Variants in WAPL observed in about 807,000 individuals in gnomAD.
WAPL encodes wings apart-like protein homolog.
In WAPL, 5 loss-of-function variants were observed where a neutral mutation model predicts 121.0. The ratio of observed to expected loss-of-function variants is 0.04; its 90% CI spans 0.02 to 0.09. WAPL has a LOEUF of 0.09. WAPL is among the 10% of genes least tolerant of loss of function. WAPL has a pLI of 1.00. For missense variants in WAPL, 999 were observed against 1,410.8 expected (o/e 0.71, Z 4.68); for synonymous variants, 480 against 481.5 (o/e 1.00, Z 0.04).
chr10:86,492,471 G>C (rs1213666259), intron 4 of WAPL, among the ~76,000 whole-genome samples: 1 of 152,110 alleles, frequency 6.6e-6, no homozygotes. Context: ...CTTTTATTTT[G>C]TTGAGAGCTG....
intron 4 of WAPL, among the ~76,000 whole-genome samples, chr10:86,475,106 T>G (rs1841622597): frequency 6.6e-6 from 1 of 152,154 alleles, no homozygotes; most frequent in Non-Finnish European, 1.5e-5. Flanking sequence ...TACTTAAACT[T>G]CCAGGGGATT....
chr10:86,447,885 T>C (rs764223434), intron 15 of WAPL, among the ~76,000 whole-genome samples: 1 of 151,760 alleles, frequency 6.6e-6, no homozygotes, highest in African/African-American at 2.4e-5. Context: ...CCACCTCTAC[T>C]AAAAATACAA....
chr10:86,514,993 C>T (rs1339660621), intron 2 of WAPL, among the ~76,000 whole-genome samples: 1 of 152,206 alleles, frequency 6.6e-6, no homozygotes, highest in Non-Finnish European at 1.5e-5. Flanking sequence ...GGCACAGTGG[C>T]TCACGCCTAT....
At chr10:86,517,487 A>G (rs1405981631) in intron 2 of WAPL, 84 bp downstream of exon 2, 1 of 1,462,790 alleles carries the variant, frequency 6.8e-7, no homozygotes, top group East Asian at 2.5e-5. Context: ...AGAAAACACA[A>G]TATATATTTT....
intron 4 of WAPL, chr10:86,488,483 G>A (rs1345291636): frequency 6.6e-6 from 1 of 152,216 alleles, no homozygotes; most frequent in Non-Finnish European, 1.5e-5. Flanking sequence ...AAACTGGAAC[G>A]ATACCAAGAT....
chr10:86,491,133 GTTCT>G lies in WAPL; in HGVS notation c.1644+6064_1644+6067del, dbSNP rs1263581710. ...AAACTATCAATAACATAAACTCATG[GTTCT>G]TTTTTTTTTTTTTTTTTTTTAAGAC... On this transcript the variant is annotated intron_variant, in intron 4 of 18. Coordinates refer to ENST00000298767, the MANE Select transcript of WAPL (RefSeq NM_015045.5). Among the ~76,000 whole-genome samples the G allele has an allele frequency of 1.4e-3, 180 of 126,778 alleles. 2 individuals are homozygous for G. Among genetic ancestry groups the G allele is most frequent in the Admixed American group, 4.2e-3 (45 of 10,700 alleles). The allele number at this position is 126,778 out of a possible 152,430, so 83.2% of individuals were successfully genotyped here. A position where few individuals can be genotyped will look rare whatever the true frequency, so the allele number is the denominator to read the frequency against.
intron 16 of WAPL, 199 bp from the exon 17 acceptor site, chr10:86,443,562 C>G (rs1849527058): frequency 2.1e-6 from 1 of 484,318 alleles, no homozygotes; most frequent in Non-Finnish European, 3.7e-6. Context: ...AACCATAAAA[C>G]TTTTAGTTAA....
intron 14 of WAPL, among the ~76,000 whole-genome samples, chr10:86,452,884 AC>A (rs1414171141): frequency 6.6e-6 from 1 of 151,836 alleles, no homozygotes; most frequent in East Asian, 1.9e-4. Context: ...TACTAAAAAT[AC>A]AAAAATTAGC....
intron 9 of WAPL, among the ~76,000 whole-genome samples, chr10:86,465,201 G>T (rs1235775338): frequency 1.3e-5 from 2 of 151,834 alleles, no homozygotes; most frequent in South Asian, 2.1e-4. Flanking sequence ...TGTTTGTTTG[G>T]TTTTTTTTGG....
intron 2 of WAPL, among the ~76,000 whole-genome samples, chr10:86,507,047 T>C (rs899013459): frequency 2.4e-4 from 32 of 134,350 alleles, no homozygotes; most frequent in South Asian, 1.2e-3. Context: ...ACAACAAAAA[T>C]AAGTAAGGAA....
In WAPL at chr10:86,446,943, T is replaced by C. The variant is rs576061419; in HGVS notation, c.3115-494A>G. ...TTGTTGAGTATACAGAAGAGTGGTATACAAACTTCAAAGAGAGATTATATA... is the reference window on the plus strand; with the variant it reads ...TTGTTGAGTATACAGAAGAGTGGTACACAAACTTCAAAGAGAGATTATATA... On this transcript the variant is annotated intron_variant, in intron 15 of 18. Coordinates refer to ENST00000298767, the MANE Select transcript of WAPL (RefSeq NM_015045.5). 3.3e-5 allele frequency among the ~76,000 whole-genome samples: 5 copies of C among 152,320 alleles called. 1 individual carries two copies. Among genetic ancestry groups the C allele is most frequent in the African/African-American group, 9.6e-5 (4 of 41,564 alleles).
At chr10:86,450,295 C>G (rs1267384665) in intron 15 of WAPL, among the ~76,000 whole-genome samples, 1 of 152,168 alleles carries the variant, frequency 6.6e-6, no homozygotes, top group Non-Finnish European at 1.5e-5. Context: ...GAGCACAGTA[C>G]TGTAATCACG....
chr10:86,469,313 C>G (rs777289079), intron 8 of WAPL, among the ~76,000 whole-genome samples: 74 of 3,166 alleles, frequency 0.023, no homozygotes, highest in Non-Finnish European at 0.036. Flanking sequence ...AGTACAATGG[C>G]ACCATCTCAG....
At chr10:86,475,673 T>C (rs1402406411) in intron 4 of WAPL, among the ~76,000 whole-genome samples, 1 of 152,200 alleles carries the variant, frequency 6.6e-6, no homozygotes, top group Non-Finnish European at 1.5e-5. Flanking sequence ...ACACAACACA[T>C]AAAGTGGACT....
At position 86,473,888 on chromosome 10, in the gene WAPL, T is replaced by C. The variant is rs1450166844; in HGVS notation, c.1730A>G (p.Gln577Arg). 6.2e-7 allele frequency: 1 copy of C among 1,612,996 alleles called. No individual in the cohort carries two copies. Among genetic ancestry groups the C allele is most frequent in the African/African-American group, 1.3e-5 (1 of 75,032 alleles). Residue 577 changes from glutamine (Q) to arginine (R), a missense_variant, in exon 5 of 19, where the codon CAG becomes CGG. This residue lies in a region of WAPL where 74 missense variants were observed against 115.1 expected (regional missense o/e 0.64). Coordinates refer to ENST00000298767, the MANE Select transcript of WAPL (RefSeq NM_015045.5). Reference sequence around the variant, plus strand: ...GTACAGTTCACTTACTGTGACACTCTGAGGTTTTACTACTGGTGGCCCAGG... The same window carrying C: ...GTACAGTTCACTTACTGTGACACTCCGAGGTTTTACTACTGGTGGCCCAGG... ...ELPGPPVVKPQSVTVRLSSKE... is the reference protein window; with the variant it reads ...ELPGPPVVKPRSVTVRLSSKE...
At chr10:86,520,531 G>C (rs1842655120) in intron 1 of WAPL, among the ~76,000 whole-genome samples, 1 of 152,034 alleles carries the variant, frequency 6.6e-6, no homozygotes, top group African/African-American at 2.4e-5. Flanking sequence ...ACAATAAAAT[G>C]TCTTTGCAAT....
chr10:86,506,409 T>C (rs952060619), intron 2 of WAPL, among the ~76,000 whole-genome samples: 5 of 152,250 alleles, frequency 3.3e-5, no homozygotes, highest in Non-Finnish European at 7.3e-5. Flanking sequence ...TGTGTGGTTT[T>C]CTGTTTTATT....
At chr10:86,513,798 C>G (rs2132233012) in intron 2 of WAPL, among the ~76,000 whole-genome samples, 1 of 152,078 alleles carries the variant, frequency 6.6e-6, no homozygotes, top group Non-Finnish European at 1.5e-5. Flanking sequence ...AATTCTACAG[C>G]AAAAAAATAG....
chr10:86,510,501 A>G (rs572528929), intron 2 of WAPL, among the ~76,000 whole-genome samples: 1 of 152,354 alleles, frequency 6.6e-6, no homozygotes, highest in Non-Finnish European at 1.5e-5. Context: ...CAGTAACTCT[A>G]AAGTACAGAG....
Sources: gnomAD v4.1 joint callset for allele counts (sites outside exome capture counted in the v4.1 genomes callset) on GRCh38, gnomAD v4.1.1 for gene constraint, gnomAD v4.1.1 regional missense constraint, MANE v1.5 for transcripts, NCBI Gene and HGNC (gene_info 2026-07-23, HGNC 2026-07-21) for gene names.